PTGR1: variants seen among roughly 807,000 people sequenced by gnomAD.
The protein encoded by PTGR1 is prostaglandin reductase 1.
A neutral mutation model predicts 37.7 loss-of-function variants in PTGR1; 23 were observed. The ratio of observed to expected loss-of-function variants is 0.61; its 90% CI spans 0.44 to 0.86. PTGR1 has a LOEUF of 0.86. Ranked by LOEUF, PTGR1 falls within the 40% of genes least tolerant of loss-of-function variation. The pLI, the probability that PTGR1 is intolerant of heterozygous loss-of-function variation, is 0.00. For missense variants in PTGR1, 351 were observed against 394.3 expected (o/e 0.89, Z 0.93); for synonymous variants, 134 against 140.0 (o/e 0.96, Z 0.30).
intron 6 of PTGR1, among the ~76,000 whole-genome samples, chr9:111,582,101 CAGAA>C (rs1829299071): frequency 6.6e-6 from 1 of 151,888 alleles, no homozygotes; most frequent in Admixed American, 6.6e-5. Flanking sequence ...GAAAATATCA[CAGAA>C]AGAAATAACC....
At chr9:111,561,906 A>G (rs1014411612), downstream of PTGR1, among the ~76,000 whole-genome samples, 1 of 151,814 alleles carries the variant, frequency 6.6e-6, no homozygotes, top group Admixed American at 6.6e-5. Context: ...TTTTTCTGAG[A>G]TGGAGTTTTG....
chr9:111,586,040 G>A lies in PTGR1; in HGVS notation c.335C>T (p.Thr112Ile), dbSNP rs1829418974. ...LEKLLTEWPDTIPLSLALGTV... is the reference protein window; with the variant it reads ...LEKLLTEWPDIIPLSLALGTV... ...CCCCAGAGCCAAAGACAGTGGTATT[G>A]TGTCTGGCCACTCTGTCAGCAGCTT... Residue 112 changes from threonine to isoleucine, a missense_variant, in exon 5 of 10, where the codon ACA becomes ATA. Physicochemically the swap from Thr to Ile is moderately conservative, Grantham distance 89. Coordinates refer to ENST00000407693, the MANE Select transcript of PTGR1 (RefSeq NM_001146108.2). 1 of 1,614,212 alleles carries A rather than the reference G, an allele frequency of 6.2e-7. No homozygotes were observed. The highest frequency in any genetic ancestry group is 8.5e-7 in the Non-Finnish European group (1 of 1,180,042).
downstream of PTGR1, among the ~76,000 whole-genome samples, chr9:111,561,110 T>TATATATATATATATATATATAGAGAG (rs1457364862): frequency 5.2e-5 from 1 of 19,198 alleles, no homozygotes; most frequent in Admixed American, 6.0e-4. Context: ...TATATATATA[T>TATATATATATATATATATATAGAGAG]AGAGAGAGAG....
chr9:111,586,782 ACT>A lies in PTGR1; in HGVS notation c.210-619_210-618del, dbSNP rs35858814. On this transcript the variant is annotated intron_variant, in intron 4 of 9. Transcript: ENST00000407693. ...AATCATTGTCTGATTTTACTTTTCC[ACT>A]CTCTCTCTCTCTCTCTCTCTATATA... is the stretch of plus-strand genomic sequence containing the variant. Among the ~76,000 whole-genome samples the A allele has an allele frequency of 1.5e-3, 199 of 136,190 alleles. 1 individual carries two copies. Among genetic ancestry groups the A allele is most frequent in the African/African-American group, 4.7e-3 (172 of 36,244 alleles). The allele number at this position is 136,190 out of a possible 152,430, so 89.3% of individuals were successfully genotyped here.
intron 4 of PTGR1, chr9:111,592,461 C>G (rs1002039752): frequency 1.9e-5 from 3 of 156,014 alleles, no homozygotes; most frequent in African/African-American, 7.2e-5. Flanking sequence ...CTAACCTACC[C>G]CCGCCCTCAC....
At chr9:111,583,654 A>T in intron 5 of PTGR1, 65 bp from the exon 6 acceptor site, 1 of 1,334,380 alleles carries the variant, frequency 7.5e-7, no homozygotes, top group Non-Finnish European at 1.1e-6. Context: ...TCATTTATAT[A>T]TATCTTGAAA....
chr9:111,594,360 G>C (rs1829713779), intron 2 of PTGR1, 93 bp from the exon 3 acceptor site: 2 of 1,181,382 alleles, frequency 1.7e-6, no homozygotes, highest in African/African-American at 1.5e-5. Flanking sequence ...GGGTGAGACA[G>C]GGACAAGGGT....
downstream of PTGR1, among the ~76,000 whole-genome samples, chr9:111,558,072 G>A (rs544252277): frequency 1.1e-4 from 16 of 152,156 alleles, no homozygotes; most frequent in South Asian, 3.3e-3. Flanking sequence ...GCTTGAACCC[G>A]GGAGGCGGAG....
chr9:111,582,869 G>A (rs907642193), intron 6 of PTGR1, among the ~76,000 whole-genome samples: 1 of 152,228 alleles, frequency 6.6e-6, no homozygotes, highest in Non-Finnish European at 1.5e-5. Context: ...CAAAGGATCA[G>A]TTGAGCCAGA....
intron 7 of PTGR1, chr9:111,576,677 C>T (rs1006301266): frequency 2.7e-5 from 10 of 371,586 alleles, no homozygotes; most frequent in African/African-American, 2.1e-4. Context: ...TATGTGCAAA[C>T]ATGTACATAT....
At chr9:111,580,032 T>C (rs754179277) in intron 6 of PTGR1, among the ~76,000 whole-genome samples, 1 of 152,234 alleles carries the variant, frequency 6.6e-6, no homozygotes, top group Non-Finnish European at 1.5e-5. Context: ...CATTCCTTCA[T>C]GATTCCAGAA....
intron 4 of PTGR1, among the ~76,000 whole-genome samples, chr9:111,590,195 G>A (rs7868786): frequency 0.086 from 13,105 of 152,032 alleles, 1,088 homozygotes; most frequent in African/African-American, 0.21. Context: ...ATCCACAGAA[G>A]AAAATTGAGA....
At chr9:111,591,179 T>C (rs1415619904) in intron 4 of PTGR1, among the ~76,000 whole-genome samples, 2 of 151,334 alleles carry the variant, frequency 1.3e-5, no homozygotes, top group African/African-American at 2.4e-5. Flanking sequence ...TAATCCCAGC[T>C]ACTTGGGAGG....
chr9:111,591,370 CTTT>C (rs756079285), intron 4 of PTGR1, among the ~76,000 whole-genome samples: 6 of 122,064 alleles, frequency 4.9e-5, no homozygotes, highest in Admixed American at 8.2e-5. Context: ...TTTTCTTTTT[CTTT>C]TTTTTTTTTT....
At chr9:111,568,891 G>A (rs555180255) in intron 9 of PTGR1, among the ~76,000 whole-genome samples, 5 of 152,320 alleles carry the variant, frequency 3.3e-5, no homozygotes, top group South Asian at 2.1e-4. Flanking sequence ...AGGGAGGTGG[G>A]AGAAGTGTTC....
At chr9:111,550,825 G>A (rs1011972428) in intron 9 of PTGR1, among the ~76,000 whole-genome samples, 1 of 152,120 alleles carries the variant, frequency 6.6e-6, no homozygotes, top group East Asian at 1.9e-4. Flanking sequence ...TGTTTCATAG[G>A]TGAAATATTT....
intron 7 of PTGR1, chr9:111,576,240 G>C (rs1302576456): frequency 2.8e-5 from 25 of 879,978 alleles, no homozygotes; most frequent in Non-Finnish European, 4.3e-5. Context: ...AAAAATATTT[G>C]CAAGCCATAT....
chr9:111,582,339 C>T (rs1829307077), intron 6 of PTGR1, among the ~76,000 whole-genome samples: 1 of 152,100 alleles, frequency 6.6e-6, no homozygotes, highest in Non-Finnish European at 1.5e-5. Flanking sequence ...GGGATAAAAG[C>T]CCCTTGTGAT....
intron 3 of PTGR1, among the ~76,000 whole-genome samples, chr9:111,593,533 T>C (rs1829684204): frequency 6.6e-6 from 1 of 152,180 alleles, no homozygotes; most frequent in South Asian, 2.1e-4. Context: ...GCTGAGTATA[T>C]AAGTTTGAGT....
Sources: allele counts gnomAD v4.1 joint callset (sites outside exome capture counted in the v4.1 genomes callset), GRCh38; gene constraint gnomAD v4.1.1; transcripts MANE v1.5; gene names NCBI Gene and HGNC (gene_info 2026-07-23, HGNC 2026-07-21).